The following SHROOM3 variants were observed in gnomAD, a reference collection of about 807,000 sequenced individuals.
The protein encoded by SHROOM3 is protein Shroom3.
Under a neutral mutation model 138.6 loss-of-function variants are expected in SHROOM3, and 47 were observed. The ratio of observed to expected loss-of-function variants is 0.34; its 90% CI spans 0.27 to 0.43. The LOEUF (loss-of-function observed/expected upper bound fraction) is 0.43, where lower values mean the gene tolerates loss of function less well. Ranked by LOEUF, SHROOM3 falls within the 20% of genes least tolerant of loss-of-function variation. The probability of loss-of-function intolerance (pLI) is 1.00; values close to 1 mark genes in which losing one functional copy is unlikely to be tolerated. For missense variants in SHROOM3, 2,491 were observed against 2,596.5 expected, an observed-to-expected ratio of 0.96 and a Z score of 0.88; for synonymous variants, 1,062 against 1,063.3, an observed-to-expected ratio of 1.00 and a Z score of 0.02.
intron 2 of SHROOM3, among the ~76,000 whole-genome samples, chr4:76,608,984 C>T (rs1734706714): frequency 6.6e-6 from 1 of 151,970 alleles, no homozygotes; most frequent in Non-Finnish European, 1.5e-5. Context: ...GTTAGAAATG[C>T]AAATCTCAGG....
intron 1 of SHROOM3, among the ~76,000 whole-genome samples, chr4:76,478,792 A>G (rs942181263): frequency 2.0e-5 from 3 of 152,204 alleles, no homozygotes; most frequent in African/African-American, 7.2e-5. Flanking sequence ...AACAGGCAGC[A>G]ATATTTGCTG....
chr4:76,734,719 A>C (rs1720983053), intron 4 of SHROOM3, among the ~76,000 whole-genome samples: 1 of 152,188 alleles, frequency 6.6e-6, no homozygotes, highest in South Asian at 2.1e-4. Context: ...AAATAGAATG[A>C]TATTATAAAA....
intron 10 of SHROOM3, among the ~76,000 whole-genome samples, chr4:76,774,723 T>G (rs900342615): frequency 2.5e-4 from 37 of 150,862 alleles, no homozygotes; most frequent in Middle Eastern, 3.4e-3. Flanking sequence ...TTTTTTTGTT[T>G]TTTTTTTTTT....
At chr4:76,633,450 A>G (rs1325167369) in intron 2 of SHROOM3, among the ~76,000 whole-genome samples, 1 of 151,638 alleles carries the variant, frequency 6.6e-6, no homozygotes, top group East Asian at 1.9e-4. Flanking sequence ...AGGTCGGGAG[A>G]TCGAGACCAT....
intron 2 of SHROOM3, among the ~76,000 whole-genome samples, chr4:76,566,207 T>C (rs1254504411): frequency 6.6e-6 from 1 of 150,648 alleles, no homozygotes; most frequent in Non-Finnish European, 1.5e-5. Flanking sequence ...CCCTAAACAA[T>C]ACAACAGTGA....
intron 6 of SHROOM3, among the ~76,000 whole-genome samples, chr4:76,751,853 C>T (rs1721634791): frequency 6.6e-6 from 1 of 152,174 alleles, no homozygotes; most frequent in Non-Finnish European, 1.5e-5. Flanking sequence ...ACCTTGCACA[C>T]TGTTAGTGGG....
intron 2 of SHROOM3, among the ~76,000 whole-genome samples, chr4:76,670,712 G>T (rs1339554864): frequency 6.6e-6 from 1 of 152,152 alleles, no homozygotes; most frequent in African/African-American, 2.4e-5. Flanking sequence ...CTAGCACTTT[G>T]GGAGGCCAAG....
intron 2 of SHROOM3, among the ~76,000 whole-genome samples, chr4:76,603,446 C>T (rs936360068): frequency 6.6e-6 from 1 of 151,734 alleles, no homozygotes; most frequent in African/African-American, 2.4e-5. Flanking sequence ...CAAACAAAAA[C>T]CCACAAACAA....
At chr4:76,711,806 G>C (rs1219661301) in intron 3 of SHROOM3, among the ~76,000 whole-genome samples, 2 of 151,622 alleles carry the variant, frequency 1.3e-5, no homozygotes, top group Non-Finnish European at 2.9e-5. Flanking sequence ...ACTTGTATTG[G>C]GGTGTTTAAG....
chr4:76,775,774 A>C (rs968696329), intron 10 of SHROOM3, among the ~76,000 whole-genome samples: 1 of 151,742 alleles, frequency 6.6e-6, no homozygotes, highest in Non-Finnish European at 1.5e-5. Flanking sequence ...ATATGTGTAC[A>C]TACACATATA....
chr4:76,585,979 T>G (rs1216612260), intron 2 of SHROOM3, among the ~76,000 whole-genome samples: 1 of 152,190 alleles, frequency 6.6e-6, no homozygotes, highest in Non-Finnish European at 1.5e-5. Flanking sequence ...CACGTCGTGT[T>G]TATGAGTCAG....
intron 10 of SHROOM3, among the ~76,000 whole-genome samples, 190 bp from the exon 11 acceptor site, chr4:76,778,619 A>G (rs1722650157): frequency 6.6e-6 from 1 of 152,232 alleles, no homozygotes; most frequent in Admixed American, 6.5e-5. Context: ...TGATGTTACA[A>G]TTTAGAGAAT....
intron 2 of SHROOM3, among the ~76,000 whole-genome samples, chr4:76,671,122 G>C (rs1718868350): frequency 6.6e-6 from 1 of 152,072 alleles, no homozygotes; most frequent in South Asian, 2.1e-4. Context: ...CTATGTGCCA[G>C]CCACTTTCCT....
At position 76,669,177 on chromosome 4, in the gene SHROOM3, C is replaced by G. The variant is rs551589881; in HGVS notation, c.324-40979C>G. ...TTAACAAAACAACAACATAAAAATC[C>G]TTGTATACCTTGTTCAATTGGAGAA... On this transcript the variant is annotated intron_variant, in intron 2 of 10. Coordinates refer to ENST00000296043, the MANE Select transcript of SHROOM3 (RefSeq NM_020859.4). 1.2e-3 allele frequency among the ~76,000 whole-genome samples: 190 copies of G among 152,204 alleles called. 1 individual carries two copies. Among genetic ancestry groups the G allele is most frequent in the Non-Finnish European group, 2.1e-3 (140 of 68,006 alleles).
chr4:76,466,132 T>G (rs968580911), intron 1 of SHROOM3, among the ~76,000 whole-genome samples: 6 of 152,204 alleles, frequency 3.9e-5, no homozygotes, highest in Admixed American at 1.3e-4. Context: ...AGGGTTGGTG[T>G]GATGTTCTCA....
At chr4:76,653,864 C>T (rs1736012282) in intron 2 of SHROOM3, among the ~76,000 whole-genome samples, 1 of 152,112 alleles carries the variant, frequency 6.6e-6, no homozygotes, top group Non-Finnish European at 1.5e-5. Flanking sequence ...CCACCATGCT[C>T]AGCTCGTTCA....
chr4:76,697,634 T>C (rs1719781709), intron 2 of SHROOM3, among the ~76,000 whole-genome samples: 1 of 152,226 alleles, frequency 6.6e-6, no homozygotes, highest in South Asian at 2.1e-4. Context: ...TTACGTTTGC[T>C]TCAGTTTCTT....
Position 76,544,407 on chromosome 4 carries a change from C to CTTTTTTT in SHROOM3, c.169-11181_169-11175dup, listed in dbSNP as rs58799466. Among the ~76,000 whole-genome samples, 47 of 75,868 alleles carry CTTTTTTT rather than the reference C, an allele frequency of 6.2e-4. 7 individuals are homozygous for CTTTTTTT. Among genetic ancestry groups the CTTTTTTT allele is most frequent in the Non-Finnish European group, 9.8e-4 (35 of 35,736 alleles). The allele number at this position is 75,868 out of a possible 152,430, so 49.8% of individuals were successfully genotyped here. A position where few individuals can be genotyped will look rare whatever the true frequency, so the allele number is the denominator to read the frequency against. ...AAAAAATTTTAAGATAGCTCAATGG[C>CTTTTTTT]TTTTTTTTTTTTTTTTTTTTTTTTT... On this transcript the variant is annotated intron_variant, in intron 1 of 10. Coordinates refer to ENST00000296043, the MANE Select transcript of SHROOM3 (RefSeq NM_020859.4).
intron 1 of SHROOM3, among the ~76,000 whole-genome samples, chr4:76,507,274 C>T (rs1267164085): frequency 6.6e-6 from 1 of 152,112 alleles, no homozygotes; most frequent in South Asian, 2.1e-4. Flanking sequence ...TCCAGATAGA[C>T]TCATATGACC....
Sources: allele counts gnomAD v4.1 joint callset (sites outside exome capture counted in the v4.1 genomes callset), GRCh38; gene constraint gnomAD v4.1.1; transcripts MANE v1.5; gene names NCBI Gene and HGNC (gene_info 2026-07-23, HGNC 2026-07-21).